SPCS2: variants seen among roughly 807,000 people sequenced by gnomAD.
The protein encoded by SPCS2 is signal peptidase complex subunit 2.
SPCS2 carries 3 observed loss-of-function variants against 22.3 expected under a neutral mutation model. The observed-to-expected ratio is 0.13, with a 90% CI of 0.06 to 0.35. SPCS2 has a LOEUF of 0.35. Ranked by LOEUF, SPCS2 falls within the 10% of genes least tolerant of loss-of-function variation. SPCS2 has a pLI of 1.00. For synonymous variants in SPCS2, 67 were observed against 97.2 expected, an observed-to-expected ratio of 0.69 and a Z score of 1.83; for missense variants, 169 against 280.9, an observed-to-expected ratio of 0.60 and a Z score of 2.85.
chr11:74,971,016 C>T (rs1948580923), intron 4 of SPCS2, among the ~76,000 whole-genome samples: 1 of 152,102 alleles, frequency 6.6e-6, no homozygotes, highest in Non-Finnish European at 1.5e-5. Flanking sequence ...TAATCACTTC[C>T]CTATCCTCCC....
intron 1 of SPCS2, among the ~76,000 whole-genome samples, chr11:74,955,064 A>G (rs1352791607): frequency 6.6e-6 from 1 of 152,198 alleles, no homozygotes; most frequent in African/African-American, 2.4e-5. Flanking sequence ...AGGGGGAAAA[A>G]AAAGGAAAAT....
At chr11:74,973,302 A>T (rs545657822) in intron 4 of SPCS2, among the ~76,000 whole-genome samples, 6 of 152,204 alleles carry the variant, frequency 3.9e-5, no homozygotes, top group Admixed American at 2.0e-4. Flanking sequence ...TCTTTTGAAG[A>T]TAATTCCTGG....
At chr11:74,950,464 G>A (rs539726748) in intron 1 of SPCS2, among the ~76,000 whole-genome samples, 1 of 152,196 alleles carries the variant, frequency 6.6e-6, no homozygotes, top group African/African-American at 2.4e-5. Flanking sequence ...AGGTGCTTAA[G>A]AAATGAAAAC....
At chr11:74,957,588 A>G (rs1341560772) in intron 1 of SPCS2, among the ~76,000 whole-genome samples, 1 of 152,230 alleles carries the variant, frequency 6.6e-6, no homozygotes, top group East Asian at 1.9e-4. Flanking sequence ...AACCCTCCCC[A>G]GTCAGCTTTG....
intron 4 of SPCS2, among the ~76,000 whole-genome samples, chr11:74,975,763 C>G (rs1412611389): frequency 6.6e-6 from 1 of 152,240 alleles, no homozygotes; most frequent in South Asian, 2.1e-4. Context: ...ATGATAGACA[C>G]TGTTTTAGTC....
chr11:74,973,645 C>G (rs1040599621), intron 4 of SPCS2, among the ~76,000 whole-genome samples: 22 of 152,156 alleles, frequency 1.4e-4, no homozygotes, highest in Non-Finnish European at 2.6e-4. Flanking sequence ...TCCTCCTTAC[C>G]TGGCTTAGAT....
At chr11:74,955,530 C>T (rs969899615) in intron 1 of SPCS2, among the ~76,000 whole-genome samples, 83 of 151,786 alleles carry the variant, frequency 5.5e-4, no homozygotes, top group African/African-American at 2.0e-3. Flanking sequence ...GTTGGCTGCC[C>T]GGGGATAGGG....
At chr11:74,949,930 C>T (rs547548461) in intron 1 of SPCS2, among the ~76,000 whole-genome samples, 1 of 152,122 alleles carries the variant, frequency 6.6e-6, no homozygotes, top group Non-Finnish European at 1.5e-5. Context: ...TGACAAGAAG[C>T]CTTTAAGATT....
intron 3 of SPCS2, among the ~76,000 whole-genome samples, 174 bp downstream of exon 3, chr11:74,966,097 T>G (rs1279645633): frequency 6.6e-6 from 1 of 152,240 alleles, no homozygotes; most frequent in East Asian, 1.9e-4. Flanking sequence ...ATATAGTAAC[T>G]GTCACTGATA....
chr11:74,949,546 G>GA (rs778281574), intron 1 of SPCS2, 147 bp downstream of exon 1: 25 of 741,252 alleles, frequency 3.4e-5, no homozygotes, highest in Non-Finnish European at 5.7e-5. Flanking sequence ...CGCACGCTTG[G>GA]AGCCTGCCCT....
chr11:74,953,033 A>G (rs994807633), intron 1 of SPCS2, among the ~76,000 whole-genome samples: 1 of 152,056 alleles, frequency 6.6e-6, no homozygotes, highest in African/African-American at 2.4e-5. Flanking sequence ...CAGAGAAAAA[A>G]CTTGAGATCT....
At chr11:74,955,883 T>TATATATATATATATATATATATATATAC (rs1948476318) in intron 1 of SPCS2, among the ~76,000 whole-genome samples, 1 of 130,524 alleles carries the variant, frequency 7.7e-6, no homozygotes. Flanking sequence ...TATATATATA[T>TATATATATATATATATATATATATATAC]ATATCTGCCT....
intron 1 of SPCS2, 147 bp downstream of exon 1, chr11:74,949,546 G>A: frequency 1.3e-6 from 1 of 741,370 alleles, no homozygotes; most frequent in Non-Finnish European, 2.4e-6. Flanking sequence ...CGCACGCTTG[G>A]AGCCTGCCCT....
rs1226797158 is a variant in SPCS2, at chr11:74,965,099, G to A, written c.180G>A (p.Leu60=). 8 of 1,550,626 alleles carry A rather than the reference G, an allele frequency of 5.2e-6. No homozygotes were observed. Among genetic ancestry groups the A allele is most frequent in the Non-Finnish European group, 7.0e-6 (8 of 1,146,170 alleles). Reference sequence around the variant, plus strand: ...ATGGATCAGCTGTGAAAAACTCTTTGGATGATTCTGCCAAAAAGGTACTTT... The same window carrying A: ...ATGGATCAGCTGTGAAAAACTCTTTAGATGATTCTGCCAAAAAGGTACTTT... ...KWDGSAVKNS[L]DDSAKKVLLE... Residue 60 remains leucine, a synonymous_variant, in exon 2 of 5, where the codon TTG becomes TTA. Coordinates refer to ENST00000263672, the MANE Select transcript of SPCS2 (RefSeq NM_014752.3).
intron 1 of SPCS2, among the ~76,000 whole-genome samples, chr11:74,960,518 G>A (rs1948506854): frequency 7.1e-6 from 1 of 140,576 alleles, no homozygotes; most frequent in African/African-American, 2.6e-5. Flanking sequence ...TTTTTTTTTA[G>A]GTTTTTAAAA....
chr11:74,970,231 G>A (rs1948576660), intron 4 of SPCS2, among the ~76,000 whole-genome samples: 1 of 152,104 alleles, frequency 6.6e-6, no homozygotes, highest in Non-Finnish European at 1.5e-5. Flanking sequence ...TATAACTTTG[G>A]GTAAATCATA....
rs377570707 is a variant in SPCS2 at position 74,965,901 on chromosome 11, G to A, written c.337G>A (p.Val113Ile). 3.4e-5 allele frequency: 54 copies of A among 1,609,850 alleles called. No individual in the cohort carries two copies. Among genetic ancestry groups the A allele is most frequent in the African/African-American group, 2.5e-4 (19 of 74,664 alleles). Residue 113 changes from valine to isoleucine, a missense_variant, in exon 3 of 5, where the codon GTT becomes ATT. Transcript: ENST00000263672. ...GCACCCCTTTCCAGAGTCCAAACCC[G>A]TTTTGGCTTTGTGTGTCATATCATA... ...YMHPFPESKP[V>I]LALCVISYFV...
At chr11:74,970,351 G>T (rs1948577392) in intron 4 of SPCS2, among the ~76,000 whole-genome samples, 1 of 151,962 alleles carries the variant, frequency 6.6e-6, no homozygotes, top group African/African-American at 2.4e-5. Flanking sequence ...CTGTATGTTG[G>T]GTATTCTGCT....
rs2140223411 is a variant in SPCS2, at chr11:74,978,489, G to C, written c.*1446G>C. On this transcript the variant is annotated 3_prime_UTR_variant, in exon 5 of 5. Transcript: ENST00000263672. Reference sequence around the variant, plus strand: ...GTATTTTTACAATGGAGGAGTTACAGTCATCTTGGTATTTGTGGGAGATTG... The same window carrying C: ...GTATTTTTACAATGGAGGAGTTACACTCATCTTGGTATTTGTGGGAGATTG... 6.6e-6 allele frequency: 1 copy of C among 152,288 alleles called. No homozygotes were observed. 9.4% of individuals were successfully genotyped at this position (152,288 alleles called of 1,614,324 possible).
Sources: allele counts gnomAD v4.1 joint callset (sites outside exome capture counted in the v4.1 genomes callset), GRCh38; gene constraint gnomAD v4.1.1; transcripts MANE v1.5; gene names NCBI Gene and HGNC (gene_info 2026-07-23, HGNC 2026-07-21).